CCDC171: variants seen among roughly 807,000 people sequenced by gnomAD.
CCDC171 encodes coiled-coil domain-containing protein 171.
A neutral mutation model predicts 168.2 loss-of-function variants in CCDC171; 177 were observed. The observed-to-expected ratio is 1.05, with a 90% CI of 0.93 to 1.19. CCDC171 has a LOEUF of 1.19. Among genes scored for constraint, CCDC171 ranks in the 50% most tolerant of loss-of-function variants. The pLI is 0.00. For synonymous variants in CCDC171, 687 were observed against 540.8 expected, an observed-to-expected ratio of 1.27 and a Z score of -3.75; for missense variants, 1,991 against 1,539.0, an observed-to-expected ratio of 1.29 and a Z score of -4.91.
At chr9:15,587,553 A>G (rs955119643) in intron 4 of CCDC171, 23 of 443,302 alleles carry the variant, frequency 5.2e-5, no homozygotes, top group South Asian at 1.3e-4. Context: ...TCTTTATCCA[A>G]AAAAACAGAC....
intron 16 of CCDC171, among the ~76,000 whole-genome samples, chr9:15,741,086 T>C (rs1375629913): frequency 1.3e-5 from 2 of 152,212 alleles, no homozygotes; most frequent in Non-Finnish European, 2.9e-5. Flanking sequence ...CTTTTTTGTT[T>C]ATCTGTATAT....
intron 7 of CCDC171, among the ~76,000 whole-genome samples, chr9:15,649,949 C>CGTAT (rs1465159741): frequency 6.6e-6 from 1 of 152,104 alleles, no homozygotes; most frequent in Non-Finnish European, 1.5e-5. Flanking sequence ...CACAGGCACA[C>CGTAT]GTATGTTTAT....
intron 11 of CCDC171, among the ~76,000 whole-genome samples, chr9:15,699,634 C>T (rs1035348811): frequency 5.9e-5 from 9 of 152,018 alleles, no homozygotes; most frequent in Non-Finnish European, 1.3e-4. Context: ...CAAGGCCCCA[C>T]CAGAGTAGCT....
At chr9:15,609,399 G>T (rs923223233) in intron 6 of CCDC171, among the ~76,000 whole-genome samples, 9 of 152,054 alleles carry the variant, frequency 5.9e-5, no homozygotes, top group Non-Finnish European at 1.3e-4. Context: ...GTGAACCACC[G>T]CACTTGGCCT....
chr9:15,657,297 A>C (rs758829965), intron 8 of CCDC171, 78 bp downstream of exon 8: 15 of 797,348 alleles, frequency 1.9e-5, no homozygotes, highest in African/African-American at 5.2e-5. Flanking sequence ...CACTGTGTTC[A>C]GAGAACGAAG....
chr9:15,907,463 A>G (rs1822863426), intron 24 of CCDC171, among the ~76,000 whole-genome samples: 1 of 152,244 alleles, frequency 6.6e-6, no homozygotes, highest in African/African-American at 2.4e-5. Context: ...ATATGTAGAA[A>G]GCTGAAGCTG....
At chr9:16,026,303 C>A (rs1006726918) in intron 6 of CCDC171, among the ~76,000 whole-genome samples, 4 of 152,118 alleles carry the variant, frequency 2.6e-5, no homozygotes, top group African/African-American at 9.7e-5. Flanking sequence ...TTACCTATTC[C>A]TCAAACACTT....
chr9:15,579,697 C>T (rs1056761661), intron 4 of CCDC171, among the ~76,000 whole-genome samples: 1 of 152,044 alleles, frequency 6.6e-6, no homozygotes, highest in Admixed American at 6.5e-5. Context: ...TTAATTTTGC[C>T]ACTTTTTTGT....
intron 17 of CCDC171, 81 bp downstream of exon 17, chr9:15,744,858 A>C: frequency 7.4e-7 from 1 of 1,360,390 alleles, no homozygotes; most frequent in Non-Finnish European, 9.9e-7. Flanking sequence ...TTATGGAAAA[A>C]CTCTTAAAAA....
chr9:16,066,282 G>A (rs1387962299), downstream of CCDC171, among the ~76,000 whole-genome samples: 1 of 152,094 alleles, frequency 6.6e-6, no homozygotes, highest in Non-Finnish European at 1.5e-5. Flanking sequence ...AAGCATGGTA[G>A]TCCAATAAAC....
At chr9:15,812,045 A>G (rs1053543867) in intron 21 of CCDC171, among the ~76,000 whole-genome samples, 1 of 151,824 alleles carries the variant, frequency 6.6e-6, no homozygotes, top group East Asian at 1.9e-4. Flanking sequence ...AAACAATAAT[A>G]TGTCTTGGCT....
chr9:16,005,719 A>G (rs1236709661), intron 3 of CCDC171, among the ~76,000 whole-genome samples: 3 of 152,206 alleles, frequency 2.0e-5, no homozygotes, highest in African/African-American at 2.4e-5. Context: ...GGATATGTGT[A>G]GTAGGTTAAA....
intron 10 of CCDC171, among the ~76,000 whole-genome samples, chr9:15,683,023 GTAT>G (rs2050141760): frequency 6.6e-6 from 1 of 151,842 alleles, no homozygotes; most frequent in South Asian, 2.1e-4. Flanking sequence ...TTTCAAATTG[GTAT>G]TATTAGAACT....
intron 24 of CCDC171, among the ~76,000 whole-genome samples, chr9:15,902,627 T>C (rs990441040): frequency 6.6e-6 from 1 of 152,146 alleles, no homozygotes; most frequent in African/African-American, 2.4e-5. Context: ...ATAGGTGATT[T>C]CTGCATTTCC....
intron 21 of CCDC171, among the ~76,000 whole-genome samples, chr9:15,835,875 A>C (rs1010150708): frequency 6.6e-6 from 1 of 152,160 alleles, no homozygotes; most frequent in Admixed American, 6.5e-5. Flanking sequence ...CATGCATATT[A>C]GTAATTTATC....
At chr9:15,573,317 C>T (rs1292916757) in intron 3 of CCDC171, among the ~76,000 whole-genome samples, 4 of 151,816 alleles carry the variant, frequency 2.6e-5, no homozygotes, top group Non-Finnish European at 5.9e-5. Context: ...GCTCTGTCAC[C>T]CAGGCTGGAG....
At chr9:15,876,018 T>A (rs1366336269) in intron 24 of CCDC171, 2 of 152,102 alleles carry the variant, frequency 1.3e-5, no homozygotes. Flanking sequence ...ACTTGGCTAT[T>A]TCAATTCAGA....
At chr9:15,663,628 G>C (rs1475603563) in intron 8 of CCDC171, among the ~76,000 whole-genome samples, 1 of 148,446 alleles carries the variant, frequency 6.7e-6, no homozygotes, top group African/African-American at 2.5e-5. Context: ...TTTTTTGAGA[G>C]GGAGTATCGC....
chr9:15,786,209 T>A (rs748526775), intron 21 of CCDC171, among the ~76,000 whole-genome samples: 12 of 152,152 alleles, frequency 7.9e-5, no homozygotes, highest in Non-Finnish European at 1.6e-4. Flanking sequence ...TTATTTTTCT[T>A]ACATAAATGA....
Sources: gnomAD v4.1 joint callset for allele counts (sites outside exome capture counted in the v4.1 genomes callset) on GRCh38, gnomAD v4.1.1 for gene constraint, MANE v1.5 for transcripts, NCBI Gene and HGNC (gene_info 2026-07-23, HGNC 2026-07-21) for gene names.